The following KIFC3 variants were observed in gnomAD, a reference collection of about 807,000 sequenced individuals.
The protein encoded by KIFC3 is kinesin family member C3.
KIFC3 carries 60 observed loss-of-function variants against 101.8 expected under a neutral mutation model. That is an observed-to-expected ratio of 0.59 (90% CI 0.48 to 0.73). The LOEUF (loss-of-function observed/expected upper bound fraction) is 0.73. Ranked by LOEUF, KIFC3 falls within the 30% of genes least tolerant of loss-of-function variation. KIFC3 has a pLI of 0.00. For synonymous variants in KIFC3, 476 were observed against 482.7 expected, an observed-to-expected ratio of 0.99 and a Z score of 0.18; for missense variants, 966 against 1,137.1, an observed-to-expected ratio of 0.85 and a Z score of 2.16.
At chr16:57,811,950 A>G (rs1220104227) in intron 1 of KIFC3, among the ~76,000 whole-genome samples, 1 of 150,358 alleles carries the variant, frequency 6.7e-6, no homozygotes, top group East Asian at 2.0e-4. Flanking sequence ...GATTGAGGCC[A>G]GAGAATCACT....
At chr16:57,802,720 C>T, upstream of KIFC3, 1 of 794,886 alleles carries the variant, frequency 1.3e-6, no homozygotes, top group East Asian at 2.8e-5. The surrounding 1 kb of genome is among the most constrained non-coding windows in gnomAD (Gnocchi z 5.0). Flanking sequence ...GCGTCCCGCA[C>T]TCGCACTGGC....
At chr16:57,798,398 G>C (rs1299550961) in intron 1 of KIFC3, 116 bp from the exon 2 acceptor site, 2 of 920,140 alleles carry the variant, frequency 2.2e-6, no homozygotes, top group Non-Finnish European at 3.4e-6. Flanking sequence ...GTTACCCAGC[G>C]CAGCAGCTCC....
chr16:57,835,010 A>G (rs1555480097), intron 1 of KIFC3, among the ~76,000 whole-genome samples: 1 of 152,218 alleles, frequency 6.6e-6, no homozygotes, highest in Non-Finnish European at 1.5e-5. Context: ...AGGAGGAAAA[A>G]AAATGCAACA....
At chr16:57,808,304 G>A (rs2054988991) in intron 1 of KIFC3, among the ~76,000 whole-genome samples, 1 of 152,122 alleles carries the variant, frequency 6.6e-6, no homozygotes, top group African/African-American at 2.4e-5. Flanking sequence ...AGAGTAGCAC[G>A]GGCCAAATAA....
chr16:57,825,070 GTGGCCTAC>G (rs2055430403), intron 1 of KIFC3, among the ~76,000 whole-genome samples: 1 of 152,232 alleles, frequency 6.6e-6, no homozygotes, highest in South Asian at 2.1e-4. Context: ...ACAAAGGAAT[GTGGCCTAC>G]AGCACAACTC....
intron 1 of KIFC3, among the ~76,000 whole-genome samples, chr16:57,847,710 C>T (rs1376904224): frequency 4.0e-5 from 6 of 150,830 alleles, no homozygotes; most frequent in Non-Finnish European, 8.8e-5. Context: ...TCCCTTTGGC[C>T]TTATTGTTCA....
At chr16:57,848,969 C>G (rs2055993528) in intron 1 of KIFC3, among the ~76,000 whole-genome samples, 1 of 152,170 alleles carries the variant, frequency 6.6e-6, no homozygotes, top group African/African-American at 2.4e-5. Flanking sequence ...TTCCCCGGTT[C>G]CACTTAAACA....
chr16:57,774,747 G>T, intron 3 of KIFC3: 4 of 584,356 alleles, frequency 6.8e-6, no homozygotes, highest in Non-Finnish European at 7.8e-6. Context: ...AGCTGGCCTT[G>T]AATTCCTGGC....
At chr16:57,784,812 G>A (rs1555616701) in intron 3 of KIFC3, among the ~76,000 whole-genome samples, 1 of 151,990 alleles carries the variant, frequency 6.6e-6, no homozygotes, top group Non-Finnish European at 1.5e-5. Context: ...AGAAGAAAGT[G>A]ACGCAGTCAC....
intron 1 of KIFC3, among the ~76,000 whole-genome samples, chr16:57,834,404 T>A (rs1434904676): frequency 6.6e-6 from 1 of 152,234 alleles, no homozygotes; most frequent in Non-Finnish European, 1.5e-5. Flanking sequence ...TTACACATTA[T>A]ACAATTCATT....
chr16:57,792,987 A>G (rs2054001137), intron 3 of KIFC3, among the ~76,000 whole-genome samples: 1 of 151,998 alleles, frequency 6.6e-6, no homozygotes, highest in Non-Finnish European at 1.5e-5. Flanking sequence ...AATAAATAAT[A>G]AAAATCATAT....
At chr16:57,759,551 A>C (rs2049564034) in intron 18 of KIFC3, 177 bp downstream of exon 18, 1 of 596,270 alleles carries the variant, frequency 1.7e-6, no homozygotes, top group Admixed American at 3.1e-5. Context: ...CAGAACGGAC[A>C]CAGCACTGTC....
upstream of KIFC3, among the ~76,000 whole-genome samples, chr16:57,805,734 G>A (rs1321354285): frequency 6.7e-6 from 1 of 149,390 alleles, no homozygotes; most frequent in African/African-American, 2.5e-5. Context: ...GGAGTGCAGT[G>A]GCGCAATCTC....
At chr16:57,862,096 G>GCTA (rs1324173358) in intron 1 of KIFC3, among the ~76,000 whole-genome samples, 1 of 151,880 alleles carries the variant, frequency 6.6e-6, no homozygotes, top group Admixed American at 6.6e-5. Flanking sequence ...GGGCTTACCT[G>GCTA]CTACTCCCTG....
At chr16:57,802,912 T>G, upstream of KIFC3, 1 of 1,453,372 alleles carries the variant, frequency 6.9e-7, no homozygotes, top group Admixed American at 2.0e-5. This position sits in a 1 kb window ranked among gnomAD's most constrained non-coding sequence, Gnocchi z 5.0. Context: ...CGGGCTCTCA[T>G]ACCAGTACGT....
intron 6 of KIFC3, 151 bp downstream of exon 6, chr16:57,771,047 G>A: frequency 9.9e-7 from 1 of 1,011,746 alleles, no homozygotes; most frequent in Non-Finnish European, 1.4e-6. Context: ...TACAGGAAGG[G>A]GAAGGGGCAG....
intron 7 of KIFC3, among the ~76,000 whole-genome samples, chr16:57,770,244 T>G (rs1348880694): frequency 6.6e-6 from 1 of 152,270 alleles, no homozygotes; most frequent in Non-Finnish European, 1.5e-5. Flanking sequence ...AAGTGCCATG[T>G]AGAGCTTACT....
At chr16:57,862,600 T>G in intron 1 of KIFC3, 1 of 290,212 alleles carries the variant, frequency 3.4e-6, no homozygotes. Flanking sequence ...GGTAACCATC[T>G]TCTAAGAATA....
chr16:57,845,008 T>C (rs1184856996), intron 1 of KIFC3, among the ~76,000 whole-genome samples: 3 of 152,196 alleles, frequency 2.0e-5, no homozygotes, highest in Admixed American at 6.6e-5. Flanking sequence ...GCAGCCCATA[T>C]GGTCTTGAGA....
Sources: allele counts gnomAD v4.1 joint callset (sites outside exome capture counted in the v4.1 genomes callset), GRCh38; gene constraint gnomAD v4.1.1; non-coding constraint Gnocchi (gnomAD v3.1); transcripts MANE v1.5; gene names NCBI Gene and HGNC (gene_info 2026-07-23, HGNC 2026-07-21).